GRID2: variants seen among roughly 807,000 people sequenced by gnomAD.
GRID2 encodes the protein glutamate ionotropic receptor delta type subunit 2.
In GRID2, 33 loss-of-function variants were observed where a neutral mutation model predicts 114.8. The ratio of observed to expected loss-of-function variants is 0.29; its 90% confidence interval spans 0.22 to 0.38. GRID2 has a LOEUF of 0.38. Among genes scored for constraint, GRID2 ranks in the 10% least tolerant of loss-of-function variants. The pLI is 1.00. For missense variants in GRID2, 1,184 were observed against 1,257.7 expected (o/e 0.94, Z 0.89); for synonymous variants, 505 against 449.9 (o/e 1.12, Z -1.55).
intron 2 of GRID2, among the ~76,000 whole-genome samples, chr4:93,075,503 G>A (rs1225276660): frequency 6.6e-6 from 1 of 152,054 alleles, no homozygotes; most frequent in African/African-American, 2.4e-5. Flanking sequence ...GAAATAAAAG[G>A]CATACAGATT....
intron 13 of GRID2, among the ~76,000 whole-genome samples, chr4:93,535,229 CAT>C (rs1335644870): frequency 4.0e-4 from 40 of 99,938 alleles, no homozygotes; most frequent in African/African-American, 1.2e-3. Context: ...CACACATACA[CAT>C]ACACACACAC....
At chr4:92,353,934 A>T (rs1728194203) in intron 1 of GRID2, among the ~76,000 whole-genome samples, 1 of 151,918 alleles carries the variant, frequency 6.6e-6, no homozygotes, top group South Asian at 2.1e-4. Context: ...ATATTTCTCA[A>T]CCATAAACTT....
chr4:93,187,495 C>T (rs1185310555), intron 4 of GRID2, among the ~76,000 whole-genome samples: 3 of 152,064 alleles, frequency 2.0e-5, no homozygotes, highest in Non-Finnish European at 2.9e-5. Context: ...AGGCTGGTCT[C>T]GACTCCTGAC....
At chr4:93,744,464 G>A (rs1188696168) in intron 14 of GRID2, among the ~76,000 whole-genome samples, 1 of 152,172 alleles carries the variant, frequency 6.6e-6, no homozygotes, top group South Asian at 2.1e-4. Flanking sequence ...TAACTTTGAG[G>A]GAGTTTAAGA....
intron 3 of GRID2, among the ~76,000 whole-genome samples, chr4:93,106,372 A>G (rs1441089440): frequency 1.3e-5 from 2 of 152,078 alleles, no homozygotes; most frequent in African/African-American, 4.8e-5. Context: ...TTTGACATGG[A>G]GTCCCCCTCT....
At chr4:93,391,137 G>T (rs544963598) in intron 8 of GRID2, among the ~76,000 whole-genome samples, 2 of 152,212 alleles carry the variant, frequency 1.3e-5, no homozygotes, top group South Asian at 4.1e-4. Flanking sequence ...ATCCTCTAGG[G>T]AACACATTTT....
rs536334309 is a variant in GRID2 at position 92,699,310 on chromosome 4, A to G, written c.244+109024A>G. On this transcript the variant is annotated intron_variant, in intron 2 of 15. Coordinates refer to ENST00000282020, the MANE Select transcript of GRID2 (RefSeq NM_001510.4). ...ATAATGCTATAATGATATTAATTTT[A>G]AATATTCCAGTACATTTCCCTAGTG... Among the ~76,000 whole-genome samples the G allele has an allele frequency of 1.1e-4, 16 of 152,262 alleles. No homozygotes were observed. The South Asian group carries it at 2.7e-3, about 26-fold the overall frequency.
At chr4:92,610,516 T>C (rs1729666839) in intron 2 of GRID2, among the ~76,000 whole-genome samples, 1 of 151,722 alleles carries the variant, frequency 6.6e-6, no homozygotes, top group African/African-American at 2.4e-5. Context: ...GCTCCACTTC[T>C]GTTTTTTACC....
intron 14 of GRID2, among the ~76,000 whole-genome samples, chr4:93,754,334 A>G (rs1474793517): frequency 6.6e-6 from 1 of 152,150 alleles, no homozygotes; most frequent in African/African-American, 2.4e-5. Context: ...AATTACTTCA[A>G]AATGCATCAA....
At chr4:93,467,604 C>T (rs547131865) in intron 11 of GRID2, among the ~76,000 whole-genome samples, 37 of 152,308 alleles carry the variant, frequency 2.4e-4, no homozygotes, top group Non-Finnish European at 4.9e-4. Flanking sequence ...ACAAGTACCA[C>T]GCTTCTGTGC....
intron 13 of GRID2, among the ~76,000 whole-genome samples, chr4:93,561,305 G>C (rs528395258): frequency 6.6e-6 from 1 of 152,182 alleles, no homozygotes; most frequent in East Asian, 1.9e-4. Context: ...TTTTTAGAGA[G>C]TACTAACAGA....
intron 2 of GRID2, among the ~76,000 whole-genome samples, chr4:92,947,613 T>A (rs917327555): frequency 3.3e-5 from 5 of 151,944 alleles, no homozygotes; most frequent in African/African-American, 1.2e-4. Flanking sequence ...CATTGACAAA[T>A]GTCTACTTCC....
At chr4:93,334,590 T>C (rs1758837563) in intron 8 of GRID2, among the ~76,000 whole-genome samples, 1 of 152,216 alleles carries the variant, frequency 6.6e-6, no homozygotes, top group Non-Finnish European at 1.5e-5. Flanking sequence ...TAACATGTAA[T>C]AGCATTGGGT....
At chr4:92,910,618 G>A (rs989887318) in intron 2 of GRID2, among the ~76,000 whole-genome samples, 3 of 152,076 alleles carry the variant, frequency 2.0e-5, no homozygotes, top group Admixed American at 6.6e-5. Flanking sequence ...TTCAAAAGTT[G>A]AGTACAATCT....
intron 1 of GRID2, among the ~76,000 whole-genome samples, chr4:93,798,911 G>A (rs940536535): frequency 2.0e-5 from 3 of 152,164 alleles, no homozygotes; most frequent in Non-Finnish European, 2.9e-5. Context: ...CATAACACCA[G>A]TTCCTGTCTT....
chr4:93,331,388 C>T (rs559507961), intron 8 of GRID2, among the ~76,000 whole-genome samples: 6 of 151,988 alleles, frequency 3.9e-5, no homozygotes, highest in South Asian at 4.2e-4. Flanking sequence ...TTCTTGGTAA[C>T]GTGGACCCAG....
chr4:93,234,032 A>G (rs1300368524), intron 7 of GRID2, among the ~76,000 whole-genome samples: 4 of 152,170 alleles, frequency 2.6e-5, no homozygotes, highest in Non-Finnish European at 5.9e-5. Context: ...AGCACTATGT[A>G]TCATTTAGAA....
At chr4:93,807,548 C>T (rs1735056039) in exon 2 of GRID2, 1 of 152,124 alleles carries the variant, frequency 6.6e-6, no homozygotes, top group African/African-American at 2.4e-5. Context: ...TAATGTAGAG[C>T]CTCCAGTTTG....
intron 2 of GRID2, among the ~76,000 whole-genome samples, chr4:92,893,139 T>C (rs749764965): frequency 2.0e-5 from 3 of 152,212 alleles, no homozygotes; most frequent in Non-Finnish European, 4.4e-5. Flanking sequence ...ATATATCCTC[T>C]GTAACAGTAA....
Sources: allele counts gnomAD v4.1 joint callset (sites outside exome capture counted in the v4.1 genomes callset), GRCh38; gene constraint gnomAD v4.1.1; transcripts MANE v1.5; gene names NCBI Gene and HGNC (gene_info 2026-07-23, HGNC 2026-07-21).